LNX1: variants seen among roughly 807,000 people sequenced by gnomAD.
LNX1 encodes the protein E3 ubiquitin-protein ligase LNX.
Under a neutral mutation model 68.4 loss-of-function variants are expected in LNX1, and 54 were observed. The observed-to-expected ratio is 0.79, with a 90% CI of 0.63 to 0.99. LNX1 has a LOEUF of 0.99. LNX1 is among the 50% of genes least tolerant of loss of function. The pLI is 0.00. For synonymous variants in LNX1, 336 were observed against 350.0 expected (o/e 0.96, Z 0.45); for missense variants, 906 against 926.4 (o/e 0.98, Z 0.29).
intron 2 of LNX1, among the ~76,000 whole-genome samples, chr4:53,609,039 G>A (rs530821055): frequency 1.1e-4 from 16 of 152,092 alleles, no homozygotes; most frequent in African/African-American, 2.2e-4. Flanking sequence ...CCAAAACAGC[G>A]TGGTACTGGT....
intron 1 of LNX1, among the ~76,000 whole-genome samples, chr4:53,634,979 C>A (rs1734415641): frequency 6.6e-6 from 1 of 151,742 alleles, no homozygotes; most frequent in Non-Finnish European, 1.5e-5. Context: ...GTGCACACTA[C>A]CATATACAGC....
At chr4:53,509,793 T>A (rs1183240704) in intron 2 of LNX1, among the ~76,000 whole-genome samples, 1 of 152,216 alleles carries the variant, frequency 6.6e-6, no homozygotes, top group Non-Finnish European at 1.5e-5. Flanking sequence ...GATGGGGTTG[T>A]GAAGTTTCTG....
chr4:53,582,377 T>A (rs376915352), intron 1 of LNX1, among the ~76,000 whole-genome samples: 1 of 152,182 alleles, frequency 6.6e-6, no homozygotes, highest in Non-Finnish European at 1.5e-5. Flanking sequence ...GAATGTAACC[T>A]AGGGCCAGGT....
chr4:53,539,080 T>C (rs1728575164), intron 2 of LNX1: 1 of 152,190 alleles, frequency 6.6e-6, no homozygotes, highest in Non-Finnish European at 1.5e-5. Flanking sequence ...AAGGTTTTTG[T>C]TTTTTCCTTT....
intron 2 of LNX1, among the ~76,000 whole-genome samples, chr4:53,569,648 A>C (rs543635325): frequency 6.6e-6 from 1 of 151,772 alleles, no homozygotes; most frequent in East Asian, 1.9e-4. Flanking sequence ...GCAACAAAAG[A>C]CAAAATTGAG....
intron 2 of LNX1, among the ~76,000 whole-genome samples, chr4:53,566,233 A>G (rs995883232): frequency 3.6e-4 from 54 of 151,380 alleles, no homozygotes; most frequent in Non-Finnish European, 6.8e-4. Context: ...AAAAAATGTT[A>G]AGGGCAGCCA....
intron 2 of LNX1, among the ~76,000 whole-genome samples, chr4:53,551,002 T>C (rs961610345): frequency 1.8e-4 from 27 of 152,274 alleles, no homozygotes; most frequent in Non-Finnish European, 2.6e-4. Context: ...AAAATGAATG[T>C]TCTTGTTGCA....
chr4:53,495,994 C>G, intron 6 of LNX1, 29 bp downstream of exon 6: 1 of 1,591,800 alleles, frequency 6.3e-7, no homozygotes. Context: ...GGGTTTCTGA[C>G]TGGGATCCTG....
At chr4:53,601,091 AAGGG>A (rs540672239) in intron 2 of LNX1, among the ~76,000 whole-genome samples, 3 of 95,560 alleles carry the variant, frequency 3.1e-5, no homozygotes, top group Non-Finnish European at 2.1e-5. Flanking sequence ...GAAAGAAAGA[AAGGG>A]AGGGAGGGAG....
chr4:53,619,788 A>C (rs1462113374), upstream of LNX1, among the ~76,000 whole-genome samples: 1 of 152,156 alleles, frequency 6.6e-6, no homozygotes, highest in Non-Finnish European at 1.5e-5. Context: ...GAACTGTCAA[A>C]CTGTTTTTCC....
At chr4:53,627,127 G>A (rs1024445950) in intron 1 of LNX1, among the ~76,000 whole-genome samples, 1 of 152,192 alleles carries the variant, frequency 6.6e-6, no homozygotes, top group Non-Finnish European at 1.5e-5. Flanking sequence ...AACATTTCAA[G>A]CTTTGTAGCC....
chr4:53,596,753 G>A (rs1204318199), intron 2 of LNX1, among the ~76,000 whole-genome samples: 1 of 151,992 alleles, frequency 6.6e-6, no homozygotes, highest in East Asian at 1.9e-4. Flanking sequence ...CCACATTCTT[G>A]TAGATGACCC....
intron 6 of LNX1, among the ~76,000 whole-genome samples, chr4:53,491,313 T>A (rs768027645): frequency 6.6e-6 from 1 of 152,092 alleles, no homozygotes; most frequent in South Asian, 2.1e-4. Context: ...AGTTTCTTCA[T>A]AAAGAAATAC....
chr4:53,607,150 TAGAA>T (rs1442837000), intron 2 of LNX1, among the ~76,000 whole-genome samples: 3 of 152,134 alleles, frequency 2.0e-5, no homozygotes, highest in Admixed American at 1.3e-4. Context: ...GGCATCCAAA[TAGAA>T]AGAGAGGAAG....
chr4:53,555,201 C>T (rs1226323503), intron 2 of LNX1, among the ~76,000 whole-genome samples: 2 of 152,192 alleles, frequency 1.3e-5, no homozygotes, highest in Admixed American at 1.3e-4. Context: ...AGGCATCACC[C>T]ATCATTCCTG....
chr4:53,575,181 C>T (rs1237121601), intron 1 of LNX1, among the ~76,000 whole-genome samples: 3 of 152,122 alleles, frequency 2.0e-5, no homozygotes, highest in Admixed American at 1.3e-4. Flanking sequence ...AGGGTTTCGC[C>T]ATGTTGGCCA....
intron 1 of LNX1, among the ~76,000 whole-genome samples, chr4:53,648,977 C>T (rs551424822): frequency 1.5e-4 from 23 of 152,170 alleles, no homozygotes; most frequent in Non-Finnish European, 1.2e-4. Flanking sequence ...GAGAGGAGGT[C>T]TCCTTAGCAT....
chr4:53,500,204 G>A (rs1356674991), intron 4 of LNX1: 1 of 152,172 alleles, frequency 6.6e-6, no homozygotes, highest in Non-Finnish European at 1.5e-5. Flanking sequence ...CCAGGCCAGA[G>A]CCCATGAGGG....
chr4:53,514,464 C>T (rs375985925), intron 2 of LNX1, among the ~76,000 whole-genome samples: 11 of 150,604 alleles, frequency 7.3e-5, no homozygotes, highest in Admixed American at 2.7e-4. Context: ...AGCAAAGTGA[C>T]GTCTCATATG....
Sources: gnomAD v4.1 joint callset for allele counts (sites outside exome capture counted in the v4.1 genomes callset) on GRCh38, gnomAD v4.1.1 for gene constraint, MANE v1.5 for transcripts, NCBI Gene and HGNC (gene_info 2026-07-23, HGNC 2026-07-21) for gene names.